ZNF7: variants seen among roughly 807,000 people sequenced by gnomAD.
The protein encoded by ZNF7 is zinc finger protein 7, also known as C2-H2 type zinc finger protein.
Under a neutral mutation model 12.0 loss-of-function variants are expected in ZNF7, and 10 were observed. The observed-to-expected ratio is 0.83, with a 90% confidence interval of 0.51 to 1.42. The LOEUF (loss-of-function observed/expected upper bound fraction) is 1.42. Ranked by LOEUF, ZNF7 falls within the 40% of genes most tolerant of loss-of-function variation. The probability of loss-of-function intolerance (pLI) is 0.00; values close to 1 mark genes in which losing one functional copy is unlikely to be tolerated. For synonymous variants in ZNF7, 334 were observed against 295.0 expected (o/e 1.13, Z -1.35); for missense variants, 854 against 837.2 (o/e 1.02, Z -0.25).
rs540936645 is a variant in ZNF7 at position 144,843,408 on chromosome 8, G to A, written c.*240G>A. 3.7e-5 allele frequency: 15 copies of A among 405,276 alleles called. No individual in the cohort carries two copies. The highest frequency in any genetic ancestry group is 3.3e-4 in the East Asian group (8 of 24,096). 25.1% of individuals were successfully genotyped at this position (405,276 alleles called of 1,614,324 possible). A position where few individuals can be genotyped will look rare whatever the true frequency, so the allele number is the denominator to read the frequency against. ...GTTGAGACCATCCTGGGTAACAGGT[G>A]AAACCCCATCTCTACTAAAAATACA... On this transcript the variant is annotated 3_prime_UTR_variant, in exon 5 of 5. Coordinates refer to ENST00000532777, the MANE Select transcript of ZNF7 (RefSeq NM_003416.4).
rs774803769 is a variant in ZNF7 at position 144,841,677 on chromosome 8, T to C, written c.570T>C (p.Ser190=). The change falls in exon 5 of 5, where the codon AGT becomes AGC. Residue 190 remains serine, a synonymous_variant. Coordinates refer to ENST00000532777, the MANE Select transcript of ZNF7 (RefSeq NM_003416.4). ...DCQPLESQGE[S]AEGMSQRCEE... ...AGCCTCTTGAAAGTCAGGGAGAGAG[T>C]GCGGAAGGGATGTCCCAGAGATGCG... The C allele has an allele frequency of 1.4e-5, 22 of 1,613,630 alleles. No individual in the cohort carries two copies. In the Admixed American group the frequency reaches 2.2e-4, roughly 16 times the overall value.
At chr8:144,846,034 T>C (rs1394891815), downstream of ZNF7, 1 of 1,536,654 alleles carries the variant, frequency 6.5e-7, no homozygotes, top group South Asian at 1.2e-5. Context: ...ATGCACCGCC[T>C]GCAACTCCTG....
chr8:144,841,493 A>G lies in ZNF7; in HGVS notation c.386A>G (p.Glu129Gly). 6.2e-7 allele frequency: 1 copy of G among 1,614,192 alleles called. No individual in the cohort carries two copies. The highest frequency in any genetic ancestry group is 1.1e-5 in the South Asian group (1 of 91,082). The part of the protein sequence containing the change: ...NPGFGDVSDS[E>G]VWLDSHLGSP... ...GGCTTTGGAGACGTTTCTGATTCTG[A>G]GGTCTGGTTAGACAGTCATCTGGGC... Residue 129 changes from glutamate (E) to glycine (G), a missense_variant, in exon 5 of 5, where the codon GAG becomes GGG. Transcript: ENST00000532777.
At chr8:144,845,380 C>T (rs1830455560), downstream of ZNF7, among the ~76,000 whole-genome samples, 2 of 151,898 alleles carry the variant, frequency 1.3e-5, no homozygotes, top group Admixed American at 1.3e-4. Context: ...CATTACCTCA[C>T]CCCTCAGTTT....
intron 4 of ZNF7, chr8:144,837,959 G>A (rs1043742396): frequency 1.5e-6 from 1 of 657,050 alleles, no homozygotes; most frequent in East Asian, 2.7e-5. Context: ...CCATAACAAT[G>A]AACCACAGAC....
chr8:144,845,051 C>A (rs575258616), downstream of ZNF7, among the ~76,000 whole-genome samples: 1 of 152,084 alleles, frequency 6.6e-6, no homozygotes, highest in East Asian at 1.9e-4. Flanking sequence ...GGGAGGAGAA[C>A]CCCAATTGCC....
downstream of ZNF7, among the ~76,000 whole-genome samples, chr8:144,844,526 C>T (rs1313376796): frequency 2.0e-5 from 3 of 151,240 alleles, no homozygotes; most frequent in East Asian, 3.9e-4. Context: ...CTGGCTAACA[C>T]AGTGAAACCC....
intron 4 of ZNF7, chr8:144,841,141 T>G (rs1389704103): frequency 7.0e-6 from 4 of 568,670 alleles, no homozygotes; most frequent in Non-Finnish European, 1.2e-5. Flanking sequence ...CAATGAACAT[T>G]CATTGCTATC....
intron 3 of ZNF7, among the ~76,000 whole-genome samples, chr8:144,831,656 G>A (rs62531523): frequency 0.35 from 28,375 of 80,490 alleles, 7,385 homozygotes; most frequent in Non-Finnish European, 0.49. Flanking sequence ...GGTGGCGCAT[G>A]CCTGTAATCC....
At chr8:144,832,500 G>A (rs1162475900) in intron 3 of ZNF7, among the ~76,000 whole-genome samples, 2 of 151,830 alleles carry the variant, frequency 1.3e-5, no homozygotes, top group African/African-American at 4.8e-5. Flanking sequence ...AGGCCGAGGC[G>A]GGCAGATCAC....
At chr8:144,839,434 G>A (rs1014147231) in intron 4 of ZNF7, among the ~76,000 whole-genome samples, 3 of 152,252 alleles carry the variant, frequency 2.0e-5, no homozygotes, top group Non-Finnish European at 2.9e-5. Context: ...GCTATAAGGT[G>A]GCCCAGTTAA....
rs975533195 is a variant in ZNF7 at position 144,827,579 on chromosome 8, G to A, written c.-76G>A. On this transcript the variant is annotated 5_prime_UTR_variant, in exon 1 of 5. Coordinates refer to ENST00000532777, the MANE Select transcript of ZNF7 (RefSeq NM_003416.4). Reference sequence around the variant, plus strand: ...AGGCCCGTTTCCGGCGGCGTCGCGCGTTTGCGAGCCTCGGGTGGTCCTCAG... The same window carrying A: ...AGGCCCGTTTCCGGCGGCGTCGCGCATTTGCGAGCCTCGGGTGGTCCTCAG... The A allele has an allele frequency of 5.3e-5, 52 of 985,694 alleles. No individual in the cohort carries two copies. In the African/African-American group the frequency reaches 6.8e-4, roughly 13 times the overall value. 61.1% of individuals were successfully genotyped at this position (985,694 alleles called of 1,614,324 possible).
Position 144,842,223 on chromosome 8 carries a change from C to T in ZNF7, c.1116C>T (p.Ser372=). The change falls in exon 5 of 5, where the codon AGC becomes AGT. Residue 372 remains serine (S), a synonymous_variant. Transcript: ENST00000532777. ...GCAAGGAGTGTGGGAAGGCCTTCAGCCAGAGCTCCACCCTAGCCCAGCATC... is the reference window on the plus strand; with the variant it reads ...GCAAGGAGTGTGGGAAGGCCTTCAGTCAGAGCTCCACCCTAGCCCAGCATC... ...YPCKECGKAF[S]QSSTLAQHQR... 6.2e-7 allele frequency: 1 copy of T among 1,613,982 alleles called. No individual in the cohort carries two copies. The highest frequency in any genetic ancestry group is 8.5e-7 in the Non-Finnish European group (1 of 1,179,994).
intron 3 of ZNF7, 116 bp downstream of exon 3, chr8:144,829,720 C>G: frequency 1.4e-6 from 2 of 1,379,362 alleles, no homozygotes; most frequent in Non-Finnish European, 1.9e-6. Context: ...GTGGGCTCCA[C>G]AGGGGGCTTG....
At position 144,842,550 on chromosome 8, in the gene ZNF7, C is replaced by T. The variant is rs1275769901; in HGVS notation, c.1443C>T (p.Gly481=). 2 of 1,614,004 alleles carry T rather than the reference C, an allele frequency of 1.2e-6. No homozygotes were observed. Among genetic ancestry groups the T allele is most frequent in the Admixed American group, 3.3e-5 (2 of 60,004 alleles). Residue 481 remains glycine, a synonymous_variant, in exon 5 of 5, where the codon GGC becomes GGT. Transcript: ENST00000532777. Reference sequence around the variant, plus strand: ...AGTGTGGCAAAGGCTTTGTTCAGGGCTCACACCTTATTCAGCATCAGCGAA... The same window carrying T: ...AGTGTGGCAAAGGCTTTGTTCAGGGTTCACACCTTATTCAGCATCAGCGAA... ...CDECGKGFVQ[G]SHLIQHQRIH... is the part of the protein sequence containing the mutation.
chr8:144,838,153 T>C, intron 4 of ZNF7: 1 of 702,866 alleles, frequency 1.4e-6, no homozygotes. Context: ...TGTGGATGCG[T>C]CCCTCACTCT....
chr8:144,842,091 C>T lies in ZNF7; in HGVS notation c.984C>T (p.His328=), dbSNP rs144589431. Residue 328 remains histidine (H), a synonymous_variant, in exon 5 of 5, where the codon CAC becomes CAT. Transcript: ENST00000532777. ...SSSLIHHQRI[H]TGERPYGCRE... ...GCCTCATCCACCATCAGAGAATCCA[C>T]ACAGGAGAGAGGCCCTATGGTTGTC... is the stretch of plus-strand genomic sequence containing the variant. 1.8e-4 allele frequency: 298 copies of T among 1,614,178 alleles called. No individual in the cohort carries two copies. The highest frequency in any genetic ancestry group is 8.2e-4 in the Middle Eastern group (5 of 6,062).
rs1291544875 is a variant in ZNF7, at chr8:144,843,357, A to G, written c.*189A>G. 6.5e-6 allele frequency: 4 copies of G among 617,570 alleles called. No individual in the cohort carries two copies. Among genetic ancestry groups the G allele is most frequent in the Middle Eastern group, 4.4e-4 (1 of 2,264 alleles). The allele number at this position is 617,570 out of a possible 1,614,324, so 38.3% of individuals were successfully genotyped here. A position where few individuals can be genotyped will look rare whatever the true frequency, so the allele number is the denominator to read the frequency against. Reference sequence around the variant, plus strand: ...GTCATCCCAGCACTTTGGGAGGCCAAGGCGGGCACATCACGAGGTCAGGAG... The same window carrying G: ...GTCATCCCAGCACTTTGGGAGGCCAGGGCGGGCACATCACGAGGTCAGGAG... On this transcript the variant is annotated 3_prime_UTR_variant, in exon 5 of 5. Transcript: ENST00000532777.
chr8:144,843,195 T>C lies in ZNF7; in HGVS notation c.*27T>C. The C allele has an allele frequency of 6.5e-7, 1 of 1,537,094 alleles. No homozygotes were observed. Among genetic ancestry groups the C allele is most frequent in the Admixed American group, 2.2e-5 (1 of 45,942 alleles). On this transcript the variant is annotated 3_prime_UTR_variant, in exon 5 of 5. Coordinates refer to ENST00000532777, the MANE Select transcript of ZNF7 (RefSeq NM_003416.4). ...CCACTTACATATAAATGTGTATATA[T>C]GTGAATAAACCTATAGCCTTAACTT...
Sources: gnomAD v4.1 joint callset for allele counts (sites outside exome capture counted in the v4.1 genomes callset) on GRCh38, gnomAD v4.1.1 for gene constraint, MANE v1.5 for transcripts, NCBI Gene and HGNC (gene_info 2026-07-23, HGNC 2026-07-21) for gene names.